Variants in SLC1A3 observed in about 807,000 individuals in gnomAD.
SLC1A3 encodes excitatory amino acid transporter 1.
SLC1A3 carries 21 observed loss-of-function variants against 48.1 expected under a neutral mutation model. That is an observed-to-expected ratio of 0.44 (90% CI 0.31 to 0.63). SLC1A3 has a LOEUF of 0.63. Ranked by LOEUF, SLC1A3 falls within the 20% of genes least tolerant of loss-of-function variation. The probability of loss-of-function intolerance (pLI) is 0.08; values close to 1 mark genes in which losing one functional copy is unlikely to be tolerated. For missense variants in SLC1A3, 546 were observed against 689.0 expected (o/e 0.79, Z 2.32); for synonymous variants, 239 against 251.4 (o/e 0.95, Z 0.47).
In SLC1A3 at chr5:36,659,479, C is replaced by G. The variant is rs73089413; in HGVS notation, c.320-11550C>G. Among the ~76,000 whole-genome samples, 241 of 152,268 alleles carry G rather than the reference C, an allele frequency of 1.6e-3. 1 individual carries two copies. The highest frequency in any genetic ancestry group is 5.6e-3 in the African/African-American group (232 of 41,554). ...CATGCCACATATTATTAAGGCATCA[C>G]GTATGTTAATTTATTGAATTCTCAA... is the stretch of plus-strand genomic sequence containing the variant. On this transcript the variant is annotated intron_variant, in intron 3 of 9. Coordinates refer to ENST00000265113, the MANE Select transcript of SLC1A3 (RefSeq NM_004172.5).
Position 36,676,992 on chromosome 5 carries a change from C to T in SLC1A3, c.668C>T (p.Thr223Ile). The T allele has an allele frequency of 6.2e-7, 1 of 1,614,036 alleles. No individual in the cohort carries two copies. The highest frequency in any genetic ancestry group is 8.5e-7 in the Non-Finnish European group (1 of 1,179,962). Residue 223 changes from threonine to isoleucine, a missense_variant, in exon 6 of 10, where the codon ACT becomes ATT. Thr to Ile is a moderately conservative substitution (Grantham distance 89, BLOSUM62 -1). Around this residue, in one of 3 missense-constraint regions of SLC1A3, gnomAD observed 348 missense variants for 392.0 expected, o/e 0.89. Coordinates refer to ENST00000265113, the MANE Select transcript of SLC1A3 (RefSeq NM_004172.5). ...VINNVSEAME[T>I]LTRITEELVP... is the part of the protein sequence containing the mutation. ...AACAATGTGTCTGAGGCCATGGAGA[C>T]TCTTACCCGAATCACAGAGGAGCTG... is the stretch of plus-strand genomic sequence containing the variant.
chr5:36,683,418 T>C (rs947179405), intron 8 of SLC1A3, among the ~76,000 whole-genome samples: 4 of 151,866 alleles, frequency 2.6e-5, no homozygotes, highest in Admixed American at 1.3e-4. Flanking sequence ...TTTTTTAATC[T>C]CATTTACGGG....
chr5:36,602,782 T>C (rs940084452), upstream of SLC1A3, among the ~76,000 whole-genome samples: 8 of 152,196 alleles, frequency 5.3e-5, no homozygotes, highest in African/African-American at 1.9e-4. Flanking sequence ...GCTTCTGCCC[T>C]TGCTCAGTCC....
At position 36,686,403 on chromosome 5, in the gene SLC1A3, T is replaced by C. The variant is rs925680340; in HGVS notation, c.*134T>C. 1.3e-5 allele frequency: 10 copies of C among 762,994 alleles called. No homozygotes were observed. The highest frequency in any genetic ancestry group is 2.3e-5 in the Non-Finnish European group (10 of 443,628). The allele number at this position is 762,994 out of a possible 1,614,324, so 47.3% of individuals were successfully genotyped here. A position where few individuals can be genotyped will look rare whatever the true frequency, so the allele number is the denominator to read the frequency against. Reference sequence around the variant, plus strand: ...CCTCCCTTCTGATAAGACTGGAAAATAGTCCTCCAAAACACAAGGGAGGAT... The same window carrying C: ...CCTCCCTTCTGATAAGACTGGAAAACAGTCCTCCAAAACACAAGGGAGGAT... On this transcript the variant is annotated 3_prime_UTR_variant, in exon 10 of 10. Coordinates refer to ENST00000265113, the MANE Select transcript of SLC1A3 (RefSeq NM_004172.5).
intron 2 of SLC1A3, among the ~76,000 whole-genome samples, chr5:36,618,446 C>G (rs1442571118): frequency 6.6e-6 from 1 of 152,158 alleles, no homozygotes; most frequent in Non-Finnish European, 1.5e-5. Context: ...TCACCCCGCT[C>G]CCAGGCCAGC....
intron 3 of SLC1A3, among the ~76,000 whole-genome samples, chr5:36,640,327 T>G (rs1364736565): frequency 6.6e-6 from 1 of 152,216 alleles, no homozygotes; most frequent in African/African-American, 2.4e-5. Context: ...ATGGTGAAGA[T>G]CCTTGCAATA....
intron 3 of SLC1A3, among the ~76,000 whole-genome samples, chr5:36,658,390 G>A (rs184545807): frequency 5.3e-5 from 8 of 152,240 alleles, no homozygotes; most frequent in Admixed American, 3.3e-4. Context: ...GACATTGACT[G>A]GTAGGCAGTG....
intron 2 of SLC1A3, among the ~76,000 whole-genome samples, chr5:36,618,646 T>C (rs1390116382): frequency 6.6e-6 from 1 of 152,178 alleles, no homozygotes; most frequent in African/African-American, 2.4e-5. Context: ...GAACAGAGGC[T>C]CTGAAAGAAC....
intron 2 of SLC1A3, among the ~76,000 whole-genome samples, chr5:36,624,611 C>T (rs970623211): frequency 6.6e-6 from 1 of 152,200 alleles, no homozygotes; most frequent in Non-Finnish European, 1.5e-5. Context: ...GTATCTGCCA[C>T]GTGGTCAATG....
At chr5:36,665,218 A>AG (rs558013693) in intron 3 of SLC1A3, among the ~76,000 whole-genome samples, 7 of 127,366 alleles carry the variant, frequency 5.5e-5, no homozygotes, top group African/African-American at 1.3e-4. Flanking sequence ...TCTAAGTGTT[A>AG]GAAAAAAAAA....
chr5:36,663,328 G>A (rs1371438875), intron 3 of SLC1A3, among the ~76,000 whole-genome samples: 1 of 149,280 alleles, frequency 6.7e-6, no homozygotes, highest in Non-Finnish European at 1.5e-5. Context: ...CAATTCTCCT[G>A]CCTCAGCCTC....
chr5:36,614,815 A>G (rs1322184779), intron 2 of SLC1A3, among the ~76,000 whole-genome samples: 1 of 152,090 alleles, frequency 6.6e-6, no homozygotes. Flanking sequence ...ACCCTGAGAG[A>G]AATGTGGCTG....
intron 2 of SLC1A3, among the ~76,000 whole-genome samples, chr5:36,615,470 C>T (rs961500222): frequency 2.6e-5 from 4 of 152,200 alleles, no homozygotes; most frequent in Non-Finnish European, 5.9e-5. Context: ...TGGCTGGTCT[C>T]TCCAGTCTAA....
chr5:36,601,614 C>G (rs1738808258), upstream of SLC1A3, among the ~76,000 whole-genome samples: 1 of 152,104 alleles, frequency 6.6e-6, no homozygotes, highest in Admixed American at 6.5e-5. Context: ...ATCCTCGCTT[C>G]CCAACTGTGA....
intron 2 of SLC1A3, among the ~76,000 whole-genome samples, chr5:36,621,377 T>C (rs1739660905): frequency 6.6e-6 from 1 of 152,182 alleles, no homozygotes; most frequent in Non-Finnish European, 1.5e-5. Context: ...AGATGGGTTC[T>C]GAGGCAAGGT....
At chr5:36,642,116 C>T (rs942165829) in intron 3 of SLC1A3, among the ~76,000 whole-genome samples, 7 of 151,964 alleles carry the variant, frequency 4.6e-5, no homozygotes, top group Non-Finnish European at 7.4e-5. Flanking sequence ...CTTTTTTCTC[C>T]GAACTGGGTA....
chr5:36,657,503 TA>T (rs149051212), intron 3 of SLC1A3, among the ~76,000 whole-genome samples: 3 of 152,126 alleles, frequency 2.0e-5, no homozygotes, highest in Non-Finnish European at 4.4e-5. Context: ...TGTACTTTTC[TA>T]AAAAAACCCT....
At chr5:36,684,258 A>G (rs996007482) in intron 9 of SLC1A3, among the ~76,000 whole-genome samples, 2 of 152,248 alleles carry the variant, frequency 1.3e-5, no homozygotes, top group African/African-American at 4.8e-5. Flanking sequence ...CCATTCAGGA[A>G]TTGGGAAACC....
intron 3 of SLC1A3, 146 bp from the exon 4 acceptor site, chr5:36,670,883 G>T: frequency 2.7e-6 from 2 of 729,008 alleles, no homozygotes; most frequent in Non-Finnish European, 4.8e-6. Context: ...TGTGAGATTT[G>T]GGGCCAGGTT....
Sources: allele counts gnomAD v4.1 joint callset (sites outside exome capture counted in the v4.1 genomes callset), GRCh38; gene constraint gnomAD v4.1.1; regional missense constraint gnomAD v4.1.1; transcripts MANE v1.5; gene names NCBI Gene and HGNC (gene_info 2026-07-23, HGNC 2026-07-21).